Variants in MYO10 observed in about 807,000 individuals in gnomAD.
MYO10 encodes the protein unconventional myosin-X.
In MYO10, 133 loss-of-function variants were observed where a neutral mutation model predicts 257.3. The ratio of observed to expected loss-of-function variants is 0.52; its 90% CI spans 0.45 to 0.60. The LOEUF is 0.60. Among genes scored for constraint, MYO10 ranks in the 20% least tolerant of loss-of-function variants. The pLI is 0.00. For synonymous variants in MYO10, 1,104 were observed against 1,028.6 expected (o/e 1.07, Z -1.40); for missense variants, 2,399 against 2,635.7 (o/e 0.91, Z 1.97).
Position 16,694,445 on chromosome 5 carries a change from G to A in MYO10, c.3726C>T (p.Arg1242=). The change falls in exon 27 of 41, where the codon CGC becomes CGT. Residue 1242 remains arginine (R), a synonymous_variant. Coordinates refer to ENST00000513610, the MANE Select transcript of MYO10 (RefSeq NM_012334.3). ...RNWKKRWFVL[R]QSKLMYFEND... is the part of the protein sequence containing the mutation. ...TTTCAAAGTACATCAGCTTGGACTG[G>A]CGGAGGACAAACCAGCGCTTCTTCC... 6.2e-7 allele frequency: 1 copy of A among 1,614,026 alleles called. No individual in the cohort carries two copies. Among genetic ancestry groups the A allele is most frequent in the East Asian group, 2.2e-5 (1 of 44,876 alleles).
rs565427322 is a variant in MYO10, at chr5:16,682,038, C to T, written c.4047-25G>A. 1.1e-5 allele frequency: 18 copies of T among 1,609,258 alleles called. 1 individual carries two copies. The South Asian group carries it at 2.0e-4, about 18-fold the overall frequency. On this transcript the variant is annotated intron_variant, in intron 30 of 40. Coordinates refer to ENST00000513610, the MANE Select transcript of MYO10 (RefSeq NM_012334.3). ...TCTGAGCCACAAGATGAGAAGGAAA[C>T]AAAGCCCCTTAGCCCTACCGTCAGC... is the stretch of plus-strand genomic sequence containing the variant.
chr5:16,893,065 C>T (rs918028440), intron 1 of MYO10, among the ~76,000 whole-genome samples: 2 of 151,616 alleles, frequency 1.3e-5, no homozygotes, highest in African/African-American at 4.8e-5. Context: ...GGCGTGGTGG[C>T]GGGCGCCTGT....
chr5:16,777,192 C>T (rs1741244658), intron 9 of MYO10, among the ~76,000 whole-genome samples: 1 of 152,150 alleles, frequency 6.6e-6, no homozygotes, highest in Admixed American at 6.5e-5. Flanking sequence ...AATCCCACAC[C>T]TCCGCAGGCA....
chr5:16,924,598 G>A (rs1746080045), intron 1 of MYO10, among the ~76,000 whole-genome samples: 1 of 152,188 alleles, frequency 6.6e-6, no homozygotes, highest in African/African-American at 2.4e-5. Flanking sequence ...GCGTTCATGC[G>A]CTGTTTTCTA....
intron 19 of MYO10, among the ~76,000 whole-genome samples, chr5:16,745,940 A>AC (rs941172771): frequency 3.9e-5 from 6 of 152,248 alleles, no homozygotes; most frequent in Non-Finnish European, 8.8e-5. Flanking sequence ...CCCCGTCCAG[A>AC]CCCCAAGAGA....
Position 16,673,800 on chromosome 5 carries a change from A to G in MYO10, c.5054T>C (p.Val1685Ala), listed in dbSNP as rs764578168. The change falls in exon 36 of 41, where the codon GTG becomes GCG. Residue 1685 changes from valine (V) to alanine (A), a missense_variant. By Grantham distance (64) the Val-to-Ala change is moderately conservative. Transcript: ENST00000513610. ...SLKKTKCREF[V>A]PSRDEIEALI... ...AGCTTCTATTTCATCTCGGGAAGGC[A>G]CAAACTCTCGGCATTTGGTTTTCTT... 1.2e-6 allele frequency: 2 copies of G among 1,613,894 alleles called. No individual in the cohort carries two copies. Among genetic ancestry groups the G allele is most frequent in the Non-Finnish European group, 8.5e-7 (1 of 1,179,916 alleles).
At chr5:16,788,187 G>A (rs1560984968) in intron 4 of MYO10, among the ~76,000 whole-genome samples, 1 of 152,116 alleles carries the variant, frequency 6.6e-6, no homozygotes, top group Non-Finnish European at 1.5e-5. Flanking sequence ...GGCCGCGGGG[G>A]CAGCAGAGAT....
chr5:16,886,512 A>G (rs1744901559), intron 1 of MYO10, among the ~76,000 whole-genome samples: 1 of 152,202 alleles, frequency 6.6e-6, no homozygotes, highest in South Asian at 2.1e-4. Context: ...AACTCCCCAG[A>G]CTGGCCTATT....
At chr5:16,873,250 C>A (rs1168628329) in intron 2 of MYO10, among the ~76,000 whole-genome samples, 1 of 152,214 alleles carries the variant, frequency 6.6e-6, no homozygotes, top group Non-Finnish European at 1.5e-5. Flanking sequence ...ACAGACAAGT[C>A]TGAAATCCAG....
intron 5 of MYO10, among the ~76,000 whole-genome samples, chr5:16,782,260 G>A (rs767452400): frequency 3.3e-5 from 5 of 152,162 alleles, no homozygotes; most frequent in Admixed American, 2.0e-4. Context: ...GTAAGATGGA[G>A]TCTGACTAGA....
In MYO10 at chr5:16,830,679, G is replaced by GCA. The variant is rs1554000807; in HGVS notation, c.121-12514_121-12513dup. Among the ~76,000 whole-genome samples, 533 of 149,020 alleles carry GCA rather than the reference G, an allele frequency of 3.6e-3. 1 individual carries two copies. The highest frequency in any genetic ancestry group is 7.0e-3 in the Middle Eastern group (2 of 286). On this transcript the variant is annotated intron_variant, in intron 2 of 40. Transcript: ENST00000513610. ...AATCCTAACGTTATTTTTTTAATAG[G>GCA]CACACACACACACACACACACAGGG...
chr5:16,698,443 G>A (rs1397413888), intron 26 of MYO10, among the ~76,000 whole-genome samples: 2 of 151,862 alleles, frequency 1.3e-5, no homozygotes, highest in Admixed American at 6.6e-5. Flanking sequence ...AAGTGTTAAG[G>A]TTCAGCAAAG....
intron 19 of MYO10, among the ~76,000 whole-genome samples, 171 bp from the exon 20 acceptor site, chr5:16,711,416 A>G (rs946534115): frequency 1.3e-5 from 2 of 152,056 alleles, no homozygotes; most frequent in African/African-American, 4.8e-5. Flanking sequence ...TGGAACCATC[A>G]CCTCGCCTTA....
chr5:16,869,030 T>C (rs559425259), intron 2 of MYO10, among the ~76,000 whole-genome samples: 2 of 152,204 alleles, frequency 1.3e-5, no homozygotes, highest in South Asian at 4.1e-4. Flanking sequence ...CTTTGTTTTT[T>C]GTTTTTTGTT....
chr5:16,875,804 C>T (rs1744583979), intron 2 of MYO10, among the ~76,000 whole-genome samples: 1 of 152,186 alleles, frequency 6.6e-6, no homozygotes, highest in South Asian at 2.1e-4. Flanking sequence ...ATTCTCAACA[C>T]AACAACTTAC....
chr5:16,671,687 G>A (rs933123943), intron 37 of MYO10, 145 bp from the exon 38 acceptor site: 1 of 1,028,544 alleles, frequency 9.7e-7, no homozygotes, highest in Admixed American at 2.9e-5. Flanking sequence ...TGGGGATAGA[G>A]GAATAAACAG....
intron 4 of MYO10, among the ~76,000 whole-genome samples, chr5:16,785,375 G>A (rs1015834580): frequency 1.2e-4 from 19 of 152,222 alleles, no homozygotes; most frequent in African/African-American, 4.1e-4. Context: ...TTCAAGGAAC[G>A]ATTTAAATCA....
chr5:16,745,317 G>A lies in MYO10; in HGVS notation c.1929+9511C>T, dbSNP rs1222721827. On this transcript the variant is annotated intron_variant, in intron 19 of 40. Coordinates refer to ENST00000513610, the MANE Select transcript of MYO10 (RefSeq NM_012334.3). ...AGATCGTGCCACTGCACTCCAGCCT[G>A]GACCAAAAGCGAGACTCCATCTCAA... 3.7e-4 allele frequency among the ~76,000 whole-genome samples: 57 copies of A among 152,100 alleles called. 1 individual carries two copies. Among genetic ancestry groups the A allele is most frequent in the Admixed American group, 3.7e-3 (56 of 15,270 alleles).
intron 3 of MYO10, among the ~76,000 whole-genome samples, chr5:16,799,595 C>T (rs994937838): frequency 2.0e-5 from 3 of 151,908 alleles, no homozygotes; most frequent in East Asian, 1.9e-4. Flanking sequence ...CGTGTTCAAG[C>T]GATTCTCCTG....
Sources: gnomAD v4.1 joint callset for allele counts (sites outside exome capture counted in the v4.1 genomes callset) on GRCh38, gnomAD v4.1.1 for gene constraint, MANE v1.5 for transcripts, NCBI Gene and HGNC (gene_info 2026-07-23, HGNC 2026-07-21) for gene names.